CRIM1: variants seen among roughly 807,000 people sequenced by gnomAD.
The protein encoded by CRIM1 is cysteine-rich motor neuron 1 protein.
Under a neutral mutation model 116.4 loss-of-function variants are expected in CRIM1, and 32 were observed. The observed-to-expected ratio is 0.27, with a 90% CI of 0.21 to 0.37. CRIM1 has a LOEUF of 0.37. CRIM1 is among the 10% of genes least tolerant of loss of function. CRIM1 has a pLI of 1.00. For synonymous variants in CRIM1, 590 were observed against 509.2 expected (o/e 1.16, Z -2.13); for missense variants, 1,331 against 1,354.8 (o/e 0.98, Z 0.28).
rs1668841092 is a variant in CRIM1 at position 36,356,767 on chromosome 2, G to A, written c.331+144G>A. 3 of 752,028 alleles carry A rather than the reference G, an allele frequency of 4.0e-6. No individual in the cohort carries two copies. Among genetic ancestry groups the A allele is most frequent in the South Asian group, 1.9e-5 (1 of 53,788 alleles). The allele number at this position is 752,028 out of a possible 1,614,324, so 46.6% of individuals were successfully genotyped here. A position where few individuals can be genotyped will look rare whatever the true frequency, so the allele number is the denominator to read the frequency against. On this transcript the variant is annotated intron_variant, in intron 1 of 16. Transcript: ENST00000280527. This position sits in a 1 kb window ranked among gnomAD's most constrained non-coding sequence, Gnocchi z 4.3. Reference sequence around the variant, plus strand: ...GGGCGGCCGCCGCCCCCAGGAGAGTGCCCCCGCGGCCCTGCGTTCCCTCTC... The same window carrying A: ...GGGCGGCCGCCGCCCCCAGGAGAGTACCCCCGCGGCCCTGCGTTCCCTCTC...
intron 7 of CRIM1, among the ~76,000 whole-genome samples, chr2:36,491,264 T>C (rs1257646440): frequency 6.6e-6 from 1 of 152,182 alleles, no homozygotes; most frequent in African/African-American, 2.4e-5. Context: ...TATGATCGTA[T>C]TTTAACCCAT....
intron 7 of CRIM1, among the ~76,000 whole-genome samples, chr2:36,492,290 G>A (rs1020389667): frequency 5.3e-5 from 8 of 152,156 alleles, no homozygotes; most frequent in African/African-American, 9.7e-5. Context: ...TTACAAGGAT[G>A]TAGGTGTTGT....
chr2:36,536,313 C>T (rs1235272004), intron 13 of CRIM1, among the ~76,000 whole-genome samples: 1 of 152,042 alleles, frequency 6.6e-6, no homozygotes, highest in Non-Finnish European at 1.5e-5. Flanking sequence ...AGGAAGAACC[C>T]TGGGCCCTGG....
At chr2:36,407,474 T>G (rs3755210) in intron 2 of CRIM1, among the ~76,000 whole-genome samples, 23,977 of 152,068 alleles carry the variant, frequency 0.16, 2,272 homozygotes, top group African/African-American at 0.27. Flanking sequence ...TAGAAACATG[T>G]TTTAAATCGT....
chr2:36,391,035 C>A (rs1385262953), intron 1 of CRIM1, among the ~76,000 whole-genome samples: 4 of 151,236 alleles, frequency 2.6e-5, no homozygotes, highest in African/African-American at 9.7e-5. Context: ...GTCTTGAACT[C>A]CTGGGGTGAA....
At chr2:36,404,634 CTA>C (rs1288618229) in intron 2 of CRIM1, among the ~76,000 whole-genome samples, 2 of 152,196 alleles carry the variant, frequency 1.3e-5, no homozygotes, top group Non-Finnish European at 2.9e-5. Flanking sequence ...TACCTGAGGA[CTA>C]TTTTCTAAAT....
chr2:36,477,156 C>A, intron 6 of CRIM1, 85 bp downstream of exon 6: 1 of 1,108,510 alleles, frequency 9.0e-7, no homozygotes, highest in Non-Finnish European at 1.3e-6. Context: ...TCAGTCTCAT[C>A]CAAAAGTAAA....
intron 13 of CRIM1, among the ~76,000 whole-genome samples, chr2:36,530,465 G>A (rs528089791): frequency 1.3e-5 from 2 of 152,306 alleles, no homozygotes; most frequent in African/African-American, 4.8e-5. Context: ...TGGAGTTTGT[G>A]CCCAGCATGT....
chr2:36,414,424 A>T (rs1208784462), intron 2 of CRIM1, among the ~76,000 whole-genome samples: 1 of 152,182 alleles, frequency 6.6e-6, no homozygotes, highest in African/African-American at 2.4e-5. Flanking sequence ...CATTCATTCA[A>T]CAAATATTTA....
intron 10 of CRIM1, 106 bp from the exon 11 acceptor site, chr2:36,513,450 T>G: frequency 1.2e-6 from 1 of 816,210 alleles, no homozygotes; most frequent in Non-Finnish European, 2.1e-6. Flanking sequence ...TGTCCTGTGT[T>G]AGACGTAATT....
At chr2:36,542,471 A>G (rs1667015415) in intron 14 of CRIM1, among the ~76,000 whole-genome samples, 1 of 152,198 alleles carries the variant, frequency 6.6e-6, no homozygotes, top group Admixed American at 6.5e-5. Flanking sequence ...GTCAAGGCAA[A>G]AGAATTCCAA....
chr2:36,545,096 T>C (rs1667223282), intron 15 of CRIM1, among the ~76,000 whole-genome samples: 1 of 152,218 alleles, frequency 6.6e-6, no homozygotes, highest in Admixed American at 6.5e-5. Flanking sequence ...AGACCTCTTC[T>C]TGATCAGTAG....
chr2:36,372,751 A>G (rs1311382513), intron 1 of CRIM1, among the ~76,000 whole-genome samples: 1 of 152,120 alleles, frequency 6.6e-6, no homozygotes, highest in Non-Finnish European at 1.5e-5. Context: ...ATGTTAGTGT[A>G]TGGTTGGTGG....
chr2:36,436,608 C>A (rs1026460798), intron 2 of CRIM1, among the ~76,000 whole-genome samples: 3 of 152,090 alleles, frequency 2.0e-5, no homozygotes, highest in Admixed American at 1.3e-4. Flanking sequence ...CATAATTAAG[C>A]TTGATTTAAT....
chr2:36,511,030 C>T (rs1664637968), intron 9 of CRIM1, among the ~76,000 whole-genome samples: 1 of 151,254 alleles, frequency 6.6e-6, no homozygotes, highest in Non-Finnish European at 1.5e-5. Context: ...GGCTGTCAGT[C>T]CTCCCACCTC....
chr2:36,451,334 G>T (rs1676706727), intron 4 of CRIM1, among the ~76,000 whole-genome samples: 2 of 152,102 alleles, frequency 1.3e-5, no homozygotes. Flanking sequence ...CTCAAGGAAA[G>T]AATCAATTAA....
intron 4 of CRIM1, among the ~76,000 whole-genome samples, chr2:36,444,359 C>T (rs1676085956): frequency 6.6e-6 from 1 of 152,186 alleles, no homozygotes; most frequent in Non-Finnish European, 1.5e-5. Context: ...TTGGCTGCTT[C>T]CTGAGGCAGA....
intron 4 of CRIM1, among the ~76,000 whole-genome samples, chr2:36,461,066 T>C (rs1677543489): frequency 6.6e-6 from 1 of 152,038 alleles, no homozygotes; most frequent in Admixed American, 6.6e-5. Flanking sequence ...GACTTCAGAG[T>C]GTTGAATGCT....
Position 36,464,548 on chromosome 2 carries a change from C to T in CRIM1, c.884C>T (p.Ser295Phe). The T allele has an allele frequency of 6.2e-7, 1 of 1,614,124 alleles. No individual in the cohort carries two copies. Among genetic ancestry groups the T allele is most frequent in the Non-Finnish European group, 8.5e-7 (1 of 1,180,010 alleles). ...CTLPTRCECL[S>F]GLCGFPVCEV... Reference sequence around the variant, plus strand: ...TTTGGTTTCAGATGCGAGTGTCTCTCTGGCTTATGTGGTTTCCCCGTGTGT... The same window carrying T: ...TTTGGTTTCAGATGCGAGTGTCTCTTTGGCTTATGTGGTTTCCCCGTGTGT... The change falls in exon 5 of 17, where the codon TCT becomes TTT. Residue 295 changes from serine (S) to phenylalanine (F), a missense_variant. Around this residue, in one of 3 missense-constraint regions of CRIM1, gnomAD observed 690 missense variants for 676.0 expected, o/e 1.02. Transcript: ENST00000280527.
Sources: allele counts gnomAD v4.1 joint callset (sites outside exome capture counted in the v4.1 genomes callset), GRCh38; gene constraint gnomAD v4.1.1; regional missense constraint gnomAD v4.1.1; non-coding constraint Gnocchi (gnomAD v3.1); transcripts MANE v1.5; gene names NCBI Gene and HGNC (gene_info 2026-07-23, HGNC 2026-07-21).